Variants in UPF2 observed in about 807,000 individuals in gnomAD.
UPF2 encodes the protein regulator of nonsense transcripts 2.
In UPF2, 17 loss-of-function variants were observed where a neutral mutation model predicts 141.4. The observed-to-expected ratio is 0.12, with a 90% CI of 0.08 to 0.18. The LOEUF is 0.18. Ranked by LOEUF, UPF2 falls within the 10% of genes least tolerant of loss-of-function variation. UPF2 has a pLI of 1.00. For synonymous variants in UPF2, 540 were observed against 498.0 expected (o/e 1.08, Z -1.12); for missense variants, 1,152 against 1,515.9 (o/e 0.76, Z 3.99).
intron 9 of UPF2, among the ~76,000 whole-genome samples, chr10:11,969,729 T>C (rs1186438845): frequency 6.6e-6 from 1 of 152,190 alleles, no homozygotes; most frequent in African/African-American, 2.4e-5. Context: ...ATTGATTGAG[T>C]GTGCACTGTG....
intron 8 of UPF2, among the ~76,000 whole-genome samples, chr10:11,982,675 G>A (rs1271598906): frequency 1.3e-5 from 2 of 152,056 alleles, no homozygotes; most frequent in South Asian, 2.1e-4. Flanking sequence ...TGCCCAGGCT[G>A]GAGTGCAATG....
chr10:11,959,026 T>C lies in UPF2; in HGVS notation c.2370+145A>G. On this transcript the variant is annotated intron_variant, in intron 12 of 21. Coordinates refer to ENST00000357604, the MANE Select transcript of UPF2 (RefSeq NM_015542.4). The surrounding 1 kb of genome is among the most constrained non-coding windows in gnomAD (Gnocchi z 5.9). ...ATGTCCCAAATATTATATATCATCATAAGAATTCCTTCTTAGGGTGACTTA... is the reference window on the plus strand; with the variant it reads ...ATGTCCCAAATATTATATATCATCACAAGAATTCCTTCTTAGGGTGACTTA... 1.6e-6 allele frequency: 1 copy of C among 612,126 alleles called. No individual in the cohort carries two copies. The highest frequency in any genetic ancestry group is 2.4e-6 in the Non-Finnish European group (1 of 412,022). 37.9% of individuals were successfully genotyped at this position (612,126 alleles called of 1,614,324 possible).
Position 12,024,408 on chromosome 10 carries a change from G to C in UPF2, c.1145+4337C>G, listed in dbSNP as rs930512602. 3.3e-5 allele frequency among the ~76,000 whole-genome samples: 5 copies of C among 152,204 alleles called. No individual in the cohort carries two copies. The East Asian group carries it at 9.7e-4, about 30-fold the overall frequency. On this transcript the variant is annotated intron_variant, in intron 3 of 21. Transcript: ENST00000357604. ...GCAGATCATCTGAGGTCAGGAGTTC[G>C]AGACGAGCCTGGGCAACATGGCGAA...
chr10:11,981,122 C>T (rs1833585021), intron 8 of UPF2, among the ~76,000 whole-genome samples: 3 of 152,026 alleles, frequency 2.0e-5, no homozygotes, highest in Admixed American at 2.0e-4. Flanking sequence ...AAGTCCATGC[C>T]ACCGCACTCC....
rs900870744 is a variant in UPF2 at position 11,959,130 on chromosome 10, T to C, written c.2370+41A>G. The C allele has an allele frequency of 6.5e-7, 1 of 1,531,866 alleles. No individual in the cohort carries two copies. The highest frequency in any genetic ancestry group is 8.7e-7 in the Non-Finnish European group (1 of 1,146,190). The allele number at this position is 1,531,866 out of a possible 1,614,324, so 94.9% of individuals were successfully genotyped here. The stretch of plus-strand genomic sequence containing the variant: ...TACATAAGCTTAGCACTACCACAAA[T>C]CTCACGTTAACTATTAACTGCATGA... On this transcript the variant is annotated intron_variant, in intron 12 of 21. Transcript: ENST00000357604. The surrounding 1 kb of genome is among the most constrained non-coding windows in gnomAD (Gnocchi z 5.9).
chr10:12,006,679 C>A (rs983451976), intron 4 of UPF2, among the ~76,000 whole-genome samples: 1 of 152,058 alleles, frequency 6.6e-6, no homozygotes, highest in Non-Finnish European at 1.5e-5. Context: ...ACAATATTGA[C>A]AATATTTAAA....
intron 4 of UPF2, among the ~76,000 whole-genome samples, chr10:12,008,240 T>C (rs1834067907): frequency 6.6e-6 from 1 of 151,812 alleles, no homozygotes; most frequent in South Asian, 2.1e-4. Flanking sequence ...ACAGGGAAAA[T>C]AATACATTTA....
chr10:12,003,309 C>G (rs1011349117), intron 5 of UPF2, among the ~76,000 whole-genome samples: 9 of 152,120 alleles, frequency 5.9e-5, no homozygotes, highest in Admixed American at 4.6e-4. Context: ...CTGAAAAAAG[C>G]TTAAAATGTG....
Position 11,959,190 on chromosome 10 carries a change from G to A in UPF2, c.2351C>T (p.Ser784Phe), listed in dbSNP as rs143519247. Residue 784 changes from serine to phenylalanine, a missense_variant, in exon 12 of 22, where the codon TCT becomes TTT. Transcript: ENST00000357604. This position sits in a 1 kb window ranked among gnomAD's most constrained non-coding sequence, Gnocchi z 5.9. ...ATTTACCTTCTCGGTGGTAACCTTA[G>A]AGAGATCCTTGTACAAAAGTTTCCG... is the stretch of plus-strand genomic sequence containing the variant. ...YVRKLLYKDLSKVTTEKVLRQ... is the reference protein window; with the variant it reads ...YVRKLLYKDLFKVTTEKVLRQ... The A allele has an allele frequency of 6.3e-7, 1 of 1,582,598 alleles. No individual in the cohort carries two copies. The highest frequency in any genetic ancestry group is 1.4e-5 in the African/African-American group (1 of 70,598).
chr10:12,005,995 T>C (rs1013832933), intron 4 of UPF2, among the ~76,000 whole-genome samples: 1 of 152,142 alleles, frequency 6.6e-6, no homozygotes, highest in Non-Finnish European at 1.5e-5. Flanking sequence ...TCCTCCTGCC[T>C]CAACCTCCTG....
At chr10:11,923,838 C>CA (rs1227839117) in intron 21 of UPF2, among the ~76,000 whole-genome samples, 3 of 151,958 alleles carry the variant, frequency 2.0e-5, no homozygotes. Flanking sequence ...GACTCCATCT[C>CA]AAAAAACAAC....
rs974209864 is a variant in UPF2 at position 11,935,198 on chromosome 10, T to C, written c.3546+1347A>G. 6.6e-6 allele frequency among the ~76,000 whole-genome samples: 1 copy of C among 152,128 alleles called. No homozygotes were observed. The highest frequency in any genetic ancestry group is 2.1e-4 in the South Asian group (1 of 4,826). ...GCATCTCACCATCCGTGTCTCTTTC[T>C]ATCCTCTTACCCTGCTTTATCCTCC... is the stretch of plus-strand genomic sequence containing the variant. On this transcript the variant is annotated intron_variant, in intron 19 of 21. Transcript: ENST00000357604. This position sits in a 1 kb window ranked among gnomAD's most constrained non-coding sequence, Gnocchi z 4.9.
chr10:12,024,946 A>AAAC (rs1554784915), intron 3 of UPF2, among the ~76,000 whole-genome samples: 1 of 150,260 alleles, frequency 6.7e-6, no homozygotes, highest in Non-Finnish European at 1.5e-5. Context: ...AAAAAAAAAA[A>AAAC]AAAAAAAAAA....
intron 8 of UPF2, among the ~76,000 whole-genome samples, chr10:11,983,050 T>A (rs950355522): frequency 6.6e-6 from 1 of 152,216 alleles, no homozygotes; most frequent in Non-Finnish European, 1.5e-5. Context: ...TCACCAGCAC[T>A]CAAACAGTGC....
intron 8 of UPF2, among the ~76,000 whole-genome samples, chr10:11,985,597 G>C (rs574404306): frequency 1.9e-4 from 28 of 150,072 alleles, no homozygotes; most frequent in Non-Finnish European, 3.7e-4. Flanking sequence ...CTCCAGCCTG[G>C]GCGACACAGC....
chr10:12,028,863 T>A lies in UPF2; in HGVS notation c.1027A>T (p.Ile343Leu). The stretch of plus-strand genomic sequence containing the variant: ...GGCTGTTGTTTCTCTGGACTAATTA[T>A]CTCACTAGGAGGAAAACTCAAATTA... ...KFNLSFPPSE[I>L]ISPEKQQPFQ... Residue 343 changes from isoleucine (I) to leucine (L), a missense_variant, in exon 3 of 22, where the codon ATA becomes TTA. Physicochemically the swap from Ile to Leu is conservative, Grantham distance 5. Coordinates refer to ENST00000357604, the MANE Select transcript of UPF2 (RefSeq NM_015542.4). The A allele has an allele frequency of 6.2e-7, 1 of 1,614,184 alleles. No homozygotes were observed. Among genetic ancestry groups the A allele is most frequent in the Non-Finnish European group, 8.5e-7 (1 of 1,180,028 alleles).
In UPF2 at chr10:12,037,653, A is replaced by C. The variant is rs115094214; in HGVS notation, c.-18-2212T>G. Among the ~76,000 whole-genome samples the C allele has an allele frequency of 6.9e-3, 1,054 of 152,036 alleles. 14 individuals carry two copies. The highest frequency in any genetic ancestry group is 0.024 in the African/African-American group (984 of 41,470). On this transcript the variant is annotated intron_variant, in intron 1 of 21. Coordinates refer to ENST00000357604, the MANE Select transcript of UPF2 (RefSeq NM_015542.4). Reference sequence around the variant, plus strand: ...AGTGATCCATCTGACTTGGCCTCCCAAAGTGCAGGATTACAAGCATGAGCC... The same window carrying C: ...AGTGATCCATCTGACTTGGCCTCCCCAAGTGCAGGATTACAAGCATGAGCC...
At chr10:11,958,190 T>C (rs937597064) in intron 12 of UPF2, among the ~76,000 whole-genome samples, 4 of 152,160 alleles carry the variant, frequency 2.6e-5, no homozygotes, top group African/African-American at 7.2e-5. Context: ...CCATCTCTAT[T>C]ACATTAAATT....
At chr10:11,982,787 ATTTT>A (rs1226383244) in intron 8 of UPF2, among the ~76,000 whole-genome samples, 1 of 151,768 alleles carries the variant, frequency 6.6e-6, no homozygotes, top group Non-Finnish European at 1.5e-5. Flanking sequence ...CACCCATTTA[ATTTT>A]GTGTCTTTAG....
Sources: allele counts gnomAD v4.1 joint callset (sites outside exome capture counted in the v4.1 genomes callset), GRCh38; gene constraint gnomAD v4.1.1; non-coding constraint Gnocchi (gnomAD v3.1); transcripts MANE v1.5; gene names NCBI Gene and HGNC (gene_info 2026-07-23, HGNC 2026-07-21).